The following C17orf75 variants were observed in gnomAD, a reference collection of about 807,000 sequenced individuals.
C17orf75 encodes the protein protein Njmu-R1.
Under a neutral mutation model 49.6 loss-of-function variants are expected in C17orf75, and 32 were observed. The observed-to-expected ratio is 0.65, with a 90% CI of 0.49 to 0.87. C17orf75 has a LOEUF of 0.87. C17orf75 is among the 40% of genes least tolerant of loss of function. The pLI is 0.00. For missense variants in C17orf75, 428 were observed against 473.9 expected (o/e 0.90, Z 0.90); for synonymous variants, 158 against 159.5 (o/e 0.99, Z 0.07).
chr17:32,334,559 T>G lies in C17orf75; in HGVS notation c.781A>C (p.Met261Leu). The change falls in exon 8 of 10, where the codon ATG (methionine) becomes CTG (leucine). Residue 261 changes from methionine to leucine, a missense_variant. Coordinates refer to ENST00000577809, the MANE Select transcript of C17orf75 (RefSeq NM_022344.4). ...SLQGLIHEGT[M>L]TSLCMAMTEE... Reference sequence around the variant, plus strand: ...GTCATGGCCATGCACAAAGAAGTCATGGTGCCTTCATGAATAAGTCCTTGA... The same window carrying G: ...GTCATGGCCATGCACAAAGAAGTCAGGGTGCCTTCATGAATAAGTCCTTGA... The G allele has an allele frequency of 6.2e-7, 1 of 1,612,410 alleles. No homozygotes were observed. Among genetic ancestry groups the G allele is most frequent in the Non-Finnish European group, 8.5e-7 (1 of 1,179,370 alleles).
Position 32,339,921 on chromosome 17 carries a change from G to C in C17orf75, c.239C>G (p.Thr80Ser). The change falls in exon 3 of 10, where the codon ACT becomes AGT. Residue 80 changes from threonine (T) to serine (S), a missense_variant. Thr to Ser is a moderately conservative substitution (Grantham distance 58). Transcript: ENST00000577809. ...GDDFSLSLAD[T>S]NLPSEVEPEL... ...TGGCTCCACTTCGGATGGTAGATTA[G>C]TATCTGCCAAGGAGAGGCTTGACAA... 1.2e-6 allele frequency: 2 copies of C among 1,613,978 alleles called. No individual in the cohort carries two copies. Among genetic ancestry groups the C allele is most frequent in the Non-Finnish European group, 1.7e-6 (2 of 1,179,874 alleles).
chr17:32,345,020 A>AT (rs1441085772), upstream of C17orf75, among the ~76,000 whole-genome samples: 2 of 151,986 alleles, frequency 1.3e-5, no homozygotes, highest in Admixed American at 1.3e-4. Context: ...TGTTAATCCC[A>AT]TTTTTTCTAG....
At chr17:32,340,975 T>C in intron 2 of C17orf75, 1 of 545,794 alleles carries the variant, frequency 1.8e-6, no homozygotes, top group Non-Finnish European at 3.3e-6. Context: ...AAAAAAGGAT[T>C]TCTTTTTGGC....
At chr17:32,349,358 G>C (rs1462026644) in intron 1 of C17orf75, among the ~76,000 whole-genome samples, 2 of 151,316 alleles carry the variant, frequency 1.3e-5, no homozygotes, top group African/African-American at 4.8e-5. Context: ...GAGGCGGGCG[G>C]ATCACTTGAG....
intron 1 of C17orf75, among the ~76,000 whole-genome samples, chr17:32,349,464 C>T (rs574601964): frequency 8.6e-5 from 13 of 152,000 alleles, no homozygotes; most frequent in Admixed American, 2.0e-4. Context: ...GCCTGCAGTC[C>T]CAGCTACTCG....
At chr17:32,333,365 A>T in intron 9 of C17orf75, 52 bp downstream of exon 9, 1 of 1,362,512 alleles carries the variant, frequency 7.3e-7, no homozygotes, top group Non-Finnish European at 1.0e-6. Context: ...GGTACTAATT[A>T]AAATTCAGAC....
At chr17:32,339,157 T>C (rs181594097) in intron 3 of C17orf75, among the ~76,000 whole-genome samples, 1 of 151,978 alleles carries the variant, frequency 6.6e-6, no homozygotes, top group Admixed American at 6.6e-5. Flanking sequence ...GGACTAAGAA[T>C]GCTCATGTTT....
At chr17:32,348,065 T>A (rs1597742176) in intron 1 of C17orf75, among the ~76,000 whole-genome samples, 1 of 151,756 alleles carries the variant, frequency 6.6e-6, no homozygotes, top group South Asian at 2.1e-4. Context: ...TCGCCCGGAC[T>A]GGAGTGCAGC....
chr17:32,336,747 A>G (rs1012667576), intron 5 of C17orf75, among the ~76,000 whole-genome samples: 1 of 152,168 alleles, frequency 6.6e-6, no homozygotes, highest in Non-Finnish European at 1.5e-5. Flanking sequence ...CAGGCATGTT[A>G]CTACATGCCA....
At chr17:32,340,082 G>A in intron 2 of C17orf75, 144 bp from the exon 3 acceptor site, 2 of 868,326 alleles carry the variant, frequency 2.3e-6, no homozygotes, top group Non-Finnish European at 3.4e-6. Flanking sequence ...GAGGCTTCTA[G>A]GAATGTATGT....
Position 32,337,905 on chromosome 17 carries a change from T to C in C17orf75, c.541A>G (p.Asn181Asp), listed in dbSNP as rs971850233. Reference sequence around the variant, plus strand: ...TAAGTCAGTCACCTTACCTCACAATTCATGTTATTTTTCAGCCCTTGAATG... The same window carrying C: ...TAAGTCAGTCACCTTACCTCACAATCCATGTTATTTTTCAGCCCTTGAATG... ...KYIQGLKNNMNCEARGLESHI... is the reference protein window; with the variant it reads ...KYIQGLKNNMDCEARGLESHI... Residue 181 changes from asparagine (N) to aspartate (D), a missense_variant, in exon 5 of 10, where the codon AAT (asparagine) becomes GAT (aspartate). Physicochemically the swap from Asn to Asp is conservative, Grantham distance 23. Transcript: ENST00000577809. 6.2e-7 allele frequency: 1 copy of C among 1,604,856 alleles called. No individual in the cohort carries two copies. Among genetic ancestry groups the C allele is most frequent in the South Asian group, 1.1e-5 (1 of 89,516 alleles).
chr17:32,347,542 A>G (rs1285602530), intron 1 of C17orf75, among the ~76,000 whole-genome samples: 1 of 152,140 alleles, frequency 6.6e-6, no homozygotes, highest in Non-Finnish European at 1.5e-5. Flanking sequence ...TCAGCCTCCC[A>G]AAGTGTTGGG....
upstream of C17orf75, among the ~76,000 whole-genome samples, chr17:32,344,700 A>G (rs1013092461): frequency 1.3e-5 from 2 of 151,952 alleles, no homozygotes; most frequent in Admixed American, 1.3e-4. Flanking sequence ...CTAGGTCAGG[A>G]GTTTGAAGCC....
Position 32,342,097 on chromosome 17 carries a change from C to T in C17orf75, c.43G>A (p.Glu15Lys), listed in dbSNP as rs1287928232. 1.2e-5 allele frequency: 20 copies of T among 1,600,190 alleles called. No homozygotes were observed. The highest frequency in any genetic ancestry group is 1.6e-5 in the Non-Finnish European group (19 of 1,174,276). The change falls in exon 1 of 10, where the codon GAA becomes AAA. Residue 15 changes from glutamate (E) to lysine (K), a missense_variant. Transcript: ENST00000577809. ...LQESMDGDEK[E>K]LESSEEGGSA... ...CCTCCCTCTTCGCTGCTCTCTAGTT[C>T]CTTTTCATCTCCATCCATCGACTCC...
chr17:32,334,973 G>C (rs1282651111), intron 6 of C17orf75, 134 bp from the exon 7 acceptor site: 1 of 729,654 alleles, frequency 1.4e-6, no homozygotes, highest in Non-Finnish European at 2.2e-6. Context: ...AAGCTCTCCA[G>C]AGCCTTGTTC....
chr17:32,346,147 A>T (rs950562084), upstream of C17orf75, among the ~76,000 whole-genome samples: 2 of 152,048 alleles, frequency 1.3e-5, no homozygotes, highest in Non-Finnish European at 2.9e-5. Flanking sequence ...GAGGCACAGC[A>T]TGGTGGCTCA....
Position 32,338,371 on chromosome 17 carries a change from T to TA in C17orf75, c.348-21dup. On this transcript the variant is annotated intron_variant, in intron 3 of 9. Coordinates refer to ENST00000577809, the MANE Select transcript of C17orf75 (RefSeq NM_022344.4). Reference sequence around the variant, plus strand: ...GGAATTCTAGAAAAGAAAGAAAATGTAAAATGCATTATTTTGGTTACTCAT... The same window carrying TA: ...GGAATTCTAGAAAAGAAAGAAAATGTAAAAATGCATTATTTTGGTTACTCAT... 2 of 1,595,350 alleles carry TA rather than the reference T, an allele frequency of 1.3e-6. No homozygotes were observed. Among genetic ancestry groups the TA allele is most frequent in the Admixed American group, 1.9e-5 (1 of 53,862 alleles).
At chr17:32,347,181 G>A (rs1252147956), upstream of C17orf75, among the ~76,000 whole-genome samples, 2 of 152,156 alleles carry the variant, frequency 1.3e-5, no homozygotes, top group East Asian at 1.9e-4. Context: ...GGCTGGTCTC[G>A]AACTCTTGAT....
chr17:32,348,396 C>G (rs897164182), intron 1 of C17orf75, among the ~76,000 whole-genome samples: 1 of 152,086 alleles, frequency 6.6e-6, no homozygotes, highest in African/African-American at 2.4e-5. Context: ...ATTATTCCAG[C>G]TCTCTTAAGT....
Sources: allele counts gnomAD v4.1 joint callset (sites outside exome capture counted in the v4.1 genomes callset), GRCh38; gene constraint gnomAD v4.1.1; transcripts MANE v1.5; gene names NCBI Gene and HGNC (gene_info 2026-07-23, HGNC 2026-07-21).